KCNIP4: variants seen among roughly 807,000 people sequenced by gnomAD.
The protein encoded by KCNIP4 is potassium voltage-gated channel interacting protein 4, also known as Kv channel-interacting protein 4.
A neutral mutation model predicts 34.0 loss-of-function variants in KCNIP4; 12 were observed. The observed-to-expected ratio is 0.35, with a 90% confidence interval of 0.23 to 0.57. KCNIP4 has a LOEUF of 0.57. Among genes scored for constraint, KCNIP4 ranks in the 20% least tolerant of loss-of-function variants. KCNIP4 has a pLI of 0.83. For missense variants in KCNIP4, 238 were observed against 311.7 expected (o/e 0.76, Z 1.78); for synonymous variants, 124 against 102.2 (o/e 1.21, Z -1.29).
intron 1 of KCNIP4, among the ~76,000 whole-genome samples, chr4:21,587,092 G>A (rs935942571): frequency 1.3e-5 from 2 of 152,054 alleles, no homozygotes; most frequent in Non-Finnish European, 2.9e-5. Flanking sequence ...GAGGAATTAA[G>A]ACATCAACAC....
chr4:21,336,645 A>G (rs1346937464), intron 1 of KCNIP4, among the ~76,000 whole-genome samples: 1 of 152,098 alleles, frequency 6.6e-6, no homozygotes, highest in Non-Finnish European at 1.5e-5. Context: ...AAAACATGAT[A>G]TAGTGGCAGT....
At chr4:21,204,048 AT>A (rs1020837821) in intron 1 of KCNIP4, among the ~76,000 whole-genome samples, 2 of 152,164 alleles carry the variant, frequency 1.3e-5, no homozygotes, top group Non-Finnish European at 2.9e-5. Context: ...ATTGCAAGGC[AT>A]GGTTGTTCTA....
intron 1 of KCNIP4, among the ~76,000 whole-genome samples, chr4:21,302,723 C>T (rs775501372): frequency 4.6e-5 from 7 of 152,056 alleles, no homozygotes; most frequent in Non-Finnish European, 1.0e-4. Context: ...CATCCCCCGC[C>T]CCATGAGTTA....
At chr4:21,720,781 T>G (rs1442574271) in intron 1 of KCNIP4, among the ~76,000 whole-genome samples, 4 of 151,516 alleles carry the variant, frequency 2.6e-5, no homozygotes, top group African/African-American at 9.7e-5. Flanking sequence ...TGTTTTTTTG[T>G]CCTTGCGATA....
At chr4:21,085,496 C>T (rs1487373311) in intron 1 of KCNIP4, among the ~76,000 whole-genome samples, 2 of 152,092 alleles carry the variant, frequency 1.3e-5, no homozygotes, top group Non-Finnish European at 2.9e-5. Flanking sequence ...ATGTATTTCT[C>T]ATGGCTTTTT....
chr4:21,357,854 G>A (rs77249678), intron 1 of KCNIP4, among the ~76,000 whole-genome samples: 5,547 of 152,118 alleles, frequency 0.036, 238 homozygotes, highest in East Asian at 0.2. Context: ...ATGCTACTAT[G>A]AAGACACATG....
At chr4:20,874,930 G>C (rs944323794) in intron 2 of KCNIP4, among the ~76,000 whole-genome samples, 1 of 152,060 alleles carries the variant, frequency 6.6e-6, no homozygotes, top group Non-Finnish European at 1.5e-5. Flanking sequence ...GCCTTTCATG[G>C]ACAGTGAAGT....
chr4:21,734,661 A>T (rs970713847), intron 1 of KCNIP4, among the ~76,000 whole-genome samples: 1 of 152,190 alleles, frequency 6.6e-6, no homozygotes, highest in Non-Finnish European at 1.5e-5. Flanking sequence ...TTGGTAGACA[A>T]AAATTTTTTA....
At chr4:21,598,136 G>A (rs1378000700) in intron 1 of KCNIP4, among the ~76,000 whole-genome samples, 1 of 152,062 alleles carries the variant, frequency 6.6e-6, no homozygotes, top group Admixed American at 6.6e-5. Flanking sequence ...ACGGAAGAAT[G>A]TAATACTGTG....
chr4:21,065,726 C>CATTATATA (rs1347877012), intron 1 of KCNIP4, among the ~76,000 whole-genome samples: 5 of 86,370 alleles, frequency 5.8e-5, no homozygotes, highest in African/African-American at 2.2e-4. Context: ...TATCATTTGT[C>CATTATATA]TATATATATA....
intron 1 of KCNIP4, among the ~76,000 whole-genome samples, chr4:21,893,267 G>A (rs1008963330): frequency 1.3e-5 from 2 of 152,110 alleles, no homozygotes; most frequent in African/African-American, 4.8e-5. Flanking sequence ...ACATGCCATT[G>A]CATATCTATG....
chr4:21,667,656 T>C (rs1749100600), intron 1 of KCNIP4, among the ~76,000 whole-genome samples: 1 of 152,226 alleles, frequency 6.6e-6, no homozygotes, highest in Non-Finnish European at 1.5e-5. Context: ...ACCACTTCCT[T>C]ATTCCACAAA....
intron 1 of KCNIP4, among the ~76,000 whole-genome samples, chr4:21,238,078 C>A (rs11946929): frequency 0.18 from 27,585 of 151,918 alleles, 4,781 homozygotes; most frequent in African/African-American, 0.45. Flanking sequence ...GTTCAACATA[C>A]GCAAATCAAT....
intron 3 of KCNIP4, among the ~76,000 whole-genome samples, chr4:20,849,196 A>T (rs1484884226): frequency 6.6e-6 from 1 of 152,128 alleles, no homozygotes; most frequent in African/African-American, 2.4e-5. Flanking sequence ...ACTCATCTCC[A>T]TTATAATCTC....
At chr4:21,103,854 G>A (rs1300013906) in intron 1 of KCNIP4, among the ~76,000 whole-genome samples, 3 of 150,740 alleles carry the variant, frequency 2.0e-5, no homozygotes, top group African/African-American at 4.9e-5. Context: ...TTGTCCTTGC[G>A]ATAGTTTACT....
intron 1 of KCNIP4, among the ~76,000 whole-genome samples, chr4:21,121,906 T>G (rs1440394972): frequency 6.6e-6 from 1 of 152,224 alleles, no homozygotes; most frequent in Non-Finnish European, 1.5e-5. Flanking sequence ...AATGTTAAAT[T>G]GGAGGCAATG....
At chr4:21,910,505 G>A (rs1213471571) in intron 1 of KCNIP4, among the ~76,000 whole-genome samples, 1 of 152,102 alleles carries the variant, frequency 6.6e-6, no homozygotes, top group Non-Finnish European at 1.5e-5. Context: ...GCCTCATTTA[G>A]GAGGATCTTG....
At chr4:21,239,807 A>T (rs550752904) in intron 1 of KCNIP4, among the ~76,000 whole-genome samples, 56 of 151,490 alleles carry the variant, frequency 3.7e-4, no homozygotes, top group Admixed American at 1.1e-3. Context: ...ATTGTGGAAG[A>T]CAGTGTGGTG....
At chr4:21,303,048 T>C (rs1002308756) in intron 1 of KCNIP4, among the ~76,000 whole-genome samples, 1 of 152,202 alleles carries the variant, frequency 6.6e-6, no homozygotes, top group African/African-American at 2.4e-5. Flanking sequence ...TCTGAGCAGT[T>C]AGAAAATTAT....
Sources: allele counts gnomAD v4.1 joint callset (sites outside exome capture counted in the v4.1 genomes callset), GRCh38; gene constraint gnomAD v4.1.1; transcripts MANE v1.5; gene names NCBI Gene and HGNC (gene_info 2026-07-23, HGNC 2026-07-21).